Variants in UTRN observed in about 807,000 individuals in gnomAD.
UTRN encodes the protein dystrophin-related protein 1.
Under a neutral mutation model 463.9 loss-of-function variants are expected in UTRN, and 283 were observed. That is an observed-to-expected ratio of 0.61 (90% CI 0.55 to 0.67). The LOEUF (loss-of-function observed/expected upper bound fraction) is 0.67, where lower values mean the gene tolerates loss of function less well. Among genes scored for constraint, UTRN ranks in the 30% least tolerant of loss-of-function variants. The probability of loss-of-function intolerance (pLI) is 0.00; values close to 1 mark genes in which losing one functional copy is unlikely to be tolerated. For synonymous variants in UTRN, 1,442 were observed against 1,431.5 expected (o/e 1.01, Z -0.17); for missense variants, 3,922 against 4,084.3 (o/e 0.96, Z 1.08).
intron 26 of UTRN, 57 bp downstream of exon 26, chr6:144,480,039 C>A: frequency 1.3e-6 from 2 of 1,560,736 alleles, no homozygotes; most frequent in Non-Finnish European, 8.7e-7. Context: ...CCCTTTAAAA[C>A]CAGCACATCA....
chr6:144,438,303 T>C (rs532598072), intron 11 of UTRN, among the ~76,000 whole-genome samples: 1 of 152,326 alleles, frequency 6.6e-6, no homozygotes, highest in East Asian at 1.9e-4. Flanking sequence ...CAGTTACTTA[T>C]TTGCAATGTT....
At chr6:144,611,654 T>G (rs1322275945) in intron 51 of UTRN, among the ~76,000 whole-genome samples, 1 of 152,014 alleles carries the variant, frequency 6.6e-6, no homozygotes, top group Non-Finnish European at 1.5e-5. Flanking sequence ...AATAAAGAGG[T>G]AAATGACTGT....
At chr6:144,606,681 T>A (rs1373888528) in intron 51 of UTRN, among the ~76,000 whole-genome samples, 2 of 152,230 alleles carry the variant, frequency 1.3e-5, no homozygotes, top group Non-Finnish European at 2.9e-5. Flanking sequence ...TTCTATAAAT[T>A]TGATCTTACA....
Position 144,622,184 on chromosome 6 carries a change from G to GTTGTTTTT in UTRN, c.7479+44898_7479+44899insGTTTTTTT, listed in dbSNP as rs1371864579. On this transcript the variant is annotated intron_variant, in intron 51 of 74. Coordinates refer to ENST00000367545, the MANE Select transcript of UTRN (RefSeq NM_007124.3). ...TAGATGGTATCCATTTTTTTTTGTT[G>GTTGTTTTT]TTTTTTTTTTTTTTTTTTTTTGGAG... is the stretch of plus-strand genomic sequence containing the variant. Among the ~76,000 whole-genome samples the GTTGTTTTT allele has an allele frequency of 1.9e-4, 17 of 88,210 alleles. No individual in the cohort carries two copies. The East Asian group carries it at 3.9e-3, about 20-fold the overall frequency. 57.9% of individuals were successfully genotyped at this position (88,210 alleles called of 152,430 possible). A position where few individuals can be genotyped will look rare whatever the true frequency, so the allele number is the denominator to read the frequency against.
intron 17 of UTRN, among the ~76,000 whole-genome samples, chr6:144,449,987 A>G (rs1788095542): frequency 6.6e-6 from 1 of 152,124 alleles, no homozygotes; most frequent in Non-Finnish European, 1.5e-5. Context: ...ACACTTAGAA[A>G]GGGGCCGGGT....
At chr6:144,369,849 C>T (rs1779827258) in intron 2 of UTRN, among the ~76,000 whole-genome samples, 1 of 152,162 alleles carries the variant, frequency 6.6e-6, no homozygotes, top group Admixed American at 6.5e-5. Context: ...AAGGGCAGTT[C>T]CCCTGCACAT....
At chr6:144,747,807 T>C (rs1016873826) in intron 54 of UTRN, among the ~76,000 whole-genome samples, 14 of 152,238 alleles carry the variant, frequency 9.2e-5, no homozygotes, top group African/African-American at 1.4e-4. Flanking sequence ...ATTAATCTTA[T>C]TTTCTGAGAG....
chr6:144,515,948 G>C (rs369193979), intron 37 of UTRN, among the ~76,000 whole-genome samples: 1 of 152,124 alleles, frequency 6.6e-6, no homozygotes, highest in Admixed American at 6.5e-5. Flanking sequence ...TGCTATGCTC[G>C]CATGTGGTCT....
intron 51 of UTRN, among the ~76,000 whole-genome samples, chr6:144,628,668 C>A (rs1585655287): frequency 6.6e-6 from 1 of 152,170 alleles, no homozygotes; most frequent in Admixed American, 6.5e-5. Context: ...TAAATAGAAT[C>A]ATCCAAAAGA....
intron 18 of UTRN, 60 bp from the exon 19 acceptor site, chr6:144,453,722 C>T: frequency 2.7e-6 from 4 of 1,458,992 alleles, no homozygotes; most frequent in South Asian, 1.3e-5. Flanking sequence ...ACATTTAAAA[C>T]AGCAACATTA....
intron 34 of UTRN, among the ~76,000 whole-genome samples, chr6:144,508,344 C>T (rs1282458612): frequency 6.6e-6 from 1 of 152,140 alleles, no homozygotes; most frequent in Admixed American, 6.5e-5. Context: ...ATCGGCTGCC[C>T]AGTTTAGTGC....
chr6:144,780,558 C>T (rs1374426278), intron 60 of UTRN, among the ~76,000 whole-genome samples: 2 of 152,132 alleles, frequency 1.3e-5, no homozygotes, highest in Non-Finnish European at 2.9e-5. Context: ...TCTCCACACT[C>T]AATAAATGTA....
chr6:144,392,800 C>T (rs1782053334), intron 2 of UTRN, among the ~76,000 whole-genome samples: 1 of 152,104 alleles, frequency 6.6e-6, no homozygotes, highest in Non-Finnish European at 1.5e-5. Flanking sequence ...CTTTTCTTAG[C>T]GTTCCTTTCA....
intron 25 of UTRN, among the ~76,000 whole-genome samples, chr6:144,476,000 C>T (rs150812570): frequency 6.6e-6 from 1 of 151,416 alleles, no homozygotes; most frequent in African/African-American, 2.4e-5. Context: ...GGCTTGAGCC[C>T]AGGGGATGGA....
intron 63 of UTRN, among the ~76,000 whole-genome samples, chr6:144,794,397 T>G (rs1777037135): frequency 6.6e-6 from 1 of 152,152 alleles, no homozygotes; most frequent in Non-Finnish European, 1.5e-5. Flanking sequence ...CTACCTCCCT[T>G]CTCATACCTA....
intron 51 of UTRN, among the ~76,000 whole-genome samples, chr6:144,656,182 T>G (rs1428161973): frequency 6.6e-6 from 1 of 152,242 alleles, no homozygotes; most frequent in Non-Finnish European, 1.5e-5. Flanking sequence ...GTGAACAATT[T>G]ATTTGCACAT....
intron 56 of UTRN, among the ~76,000 whole-genome samples, chr6:144,752,801 G>T (rs528084963): frequency 6.6e-6 from 1 of 151,506 alleles, no homozygotes; most frequent in African/African-American, 2.4e-5. Flanking sequence ...GGTCCATCTT[G>T]ATTTACTTCC....
At chr6:144,287,023 T>C (rs1562703767) in intron 1 of UTRN, among the ~76,000 whole-genome samples, 2 of 151,158 alleles carry the variant, frequency 1.3e-5, no homozygotes, top group Admixed American at 1.3e-4. Context: ...GAGCCGACCC[T>C]CCCGGCCGCC....
intron 33 of UTRN, among the ~76,000 whole-genome samples, chr6:144,498,044 C>G (rs1305376567): frequency 2.0e-5 from 3 of 152,314 alleles, no homozygotes; most frequent in African/African-American, 4.8e-5. Flanking sequence ...GTCTGGAAAG[C>G]TAGGGGAAGA....
Sources: gnomAD v4.1 joint callset for allele counts (sites outside exome capture counted in the v4.1 genomes callset) on GRCh38, gnomAD v4.1.1 for gene constraint, MANE v1.5 for transcripts, NCBI Gene and HGNC (gene_info 2026-07-23, HGNC 2026-07-21) for gene names.